The following HECW2 variants were observed in gnomAD, a reference collection of about 807,000 sequenced individuals.
HECW2 encodes the protein E3 ubiquitin-protein ligase HECW2.
HECW2 carries 61 observed loss-of-function variants against 175.2 expected under a neutral mutation model. The observed-to-expected ratio is 0.35, with a 90% CI of 0.28 to 0.43. HECW2 has a LOEUF of 0.43. HECW2 is among the 20% of genes least tolerant of loss of function. HECW2 has a pLI of 1.00. For missense variants in HECW2, 1,524 were observed against 2,000.5 expected (o/e 0.76, Z 4.54); for synonymous variants, 671 against 731.0 (o/e 0.92, Z 1.32).
At chr2:196,520,892 T>C (rs1575629481) in intron 1 of HECW2, among the ~76,000 whole-genome samples, 2 of 152,274 alleles carry the variant, frequency 1.3e-5, no homozygotes, top group South Asian at 4.1e-4. Context: ...GACATAAAAT[T>C]ATTTATAAGG....
intron 1 of HECW2, among the ~76,000 whole-genome samples, chr2:196,583,294 C>A (rs552145047): frequency 1.3e-5 from 2 of 152,292 alleles, no homozygotes; most frequent in African/African-American, 4.8e-5. Context: ...GATCACATGG[C>A]AGAAGGCACT....
At chr2:196,222,143 G>A (rs1687692340) in intron 24 of HECW2, 68 bp downstream of exon 24, 4 of 1,437,306 alleles carry the variant, frequency 2.8e-6, no homozygotes, top group Non-Finnish European at 3.8e-6. Flanking sequence ...TAGCCATGGA[G>A]TTAATTCTTC....
At chr2:196,543,115 T>A (rs1445134444) in intron 1 of HECW2, among the ~76,000 whole-genome samples, 1 of 150,908 alleles carries the variant, frequency 6.6e-6, no homozygotes, top group East Asian at 1.9e-4. Flanking sequence ...TGATTTTTAT[T>A]TTTTCTTTAT....
chr2:196,331,010 T>C (rs896378667), intron 4 of HECW2: 2 of 247,790 alleles, frequency 8.1e-6, no homozygotes, highest in African/African-American at 4.6e-5. Flanking sequence ...CCCCAGGAGA[T>C]AAAAGCCATC....
At chr2:196,358,942 T>G (rs1693485079) in intron 2 of HECW2, among the ~76,000 whole-genome samples, 1 of 152,180 alleles carries the variant, frequency 6.6e-6, no homozygotes, top group East Asian at 1.9e-4. Context: ...AGAAGGTCAC[T>G]CAAAGCTTAA....
intron 1 of HECW2, among the ~76,000 whole-genome samples, chr2:196,450,543 G>A (rs1168008792): frequency 6.7e-6 from 1 of 148,804 alleles, no homozygotes; most frequent in Non-Finnish European, 1.5e-5. Context: ...CCAGGCTGGA[G>A]TACAATGGCA....
intron 1 of HECW2, among the ~76,000 whole-genome samples, chr2:196,558,446 C>G (rs897049549): frequency 6.6e-6 from 1 of 152,170 alleles, no homozygotes; most frequent in African/African-American, 2.4e-5. Flanking sequence ...GAAAAATGTC[C>G]TTTCCAGGAT....
At chr2:196,362,318 T>TACACACACACAC (rs3082111) in intron 2 of HECW2, 6 of 120,816 alleles carry the variant, frequency 5.0e-5, no homozygotes, top group East Asian at 2.7e-4. Flanking sequence ...GAGTTATGTG[T>TACACACACACAC]ACACACACAC....
intron 10 of HECW2, chr2:196,315,692 C>T (rs1291655085): frequency 6.6e-6 from 1 of 152,060 alleles, no homozygotes; most frequent in Non-Finnish European, 1.5e-5. Context: ...AATGCAAACA[C>T]CAATATTTAA....
intron 18 of HECW2, among the ~76,000 whole-genome samples, chr2:196,255,838 C>A (rs1329467230): frequency 6.6e-6 from 1 of 152,228 alleles, no homozygotes; most frequent in South Asian, 2.1e-4. Flanking sequence ...TTTGGGAGGC[C>A]GAGGAGGGCG....
chr2:196,554,163 A>G (rs1689708047), intron 1 of HECW2, among the ~76,000 whole-genome samples: 1 of 152,014 alleles, frequency 6.6e-6, no homozygotes, highest in Non-Finnish European at 1.5e-5. Context: ...CGTCTCTACT[A>G]AAAATACAAA....
intron 14 of HECW2, chr2:196,291,476 C>G (rs1690601844): frequency 6.6e-6 from 1 of 152,208 alleles, no homozygotes; most frequent in Non-Finnish European, 1.5e-5. Context: ...GTTGGCTTAC[C>G]TGTTTTGCTT....
At chr2:196,554,582 C>T (rs1689731821) in intron 1 of HECW2, among the ~76,000 whole-genome samples, 2 of 152,314 alleles carry the variant, frequency 1.3e-5, no homozygotes, top group East Asian at 3.9e-4. Context: ...AAAATATGTG[C>T]CCCACCTCCC....
At chr2:196,445,639 T>C (rs1356459630) in intron 1 of HECW2, among the ~76,000 whole-genome samples, 1 of 152,192 alleles carries the variant, frequency 6.6e-6, no homozygotes, top group African/African-American at 2.4e-5. Context: ...CCTTCTGTAC[T>C]GTAATGTATA....
intron 21 of HECW2, chr2:196,238,522 A>G (rs1455460995): frequency 1.3e-5 from 2 of 152,030 alleles, no homozygotes; most frequent in Non-Finnish European, 2.9e-5. Flanking sequence ...CAAAAACAGC[A>G]TATGTATCCT....
At position 196,280,687 on chromosome 2, in the gene HECW2, G is replaced by T. The variant is rs1452994829; in HGVS notation, c.3001-2025C>A. Among the ~76,000 whole-genome samples, 6 of 152,164 alleles carry T rather than the reference G, an allele frequency of 3.9e-5. No individual in the cohort carries two copies. The East Asian group carries it at 1.2e-3, about 29-fold the overall frequency. ...CAGGTCTTGTAAAAAGTACTCCAGT[G>T]ATAAAACCTGTGTGGACTTGCATTG... On this transcript the variant is annotated intron_variant, in intron 14 of 28. Coordinates refer to ENST00000644978, the MANE Select transcript of HECW2 (RefSeq NM_001348768.2).
At position 196,200,405 on chromosome 2, in the gene HECW2, G is replaced by C. The variant is rs758257816; in HGVS notation, c.*872C>G. 6.6e-6 allele frequency: 1 copy of C among 152,500 alleles called. No homozygotes were observed. Among genetic ancestry groups the C allele is most frequent in the Non-Finnish European group, 1.5e-5 (1 of 68,000 alleles). 9.4% of individuals were successfully genotyped at this position (152,500 alleles called of 1,614,324 possible). ...AAGGATACATATTAGCATGATGCCC[G>C]AGTATGCATGGAACATGAAAATGGA... is the stretch of plus-strand genomic sequence containing the variant. On this transcript the variant is annotated 3_prime_UTR_variant, in exon 29 of 29. Transcript: ENST00000644978.
chr2:196,566,203 C>T (rs1690181472), intron 1 of HECW2, among the ~76,000 whole-genome samples: 1 of 151,352 alleles, frequency 6.6e-6, no homozygotes, highest in African/African-American at 2.4e-5. Context: ...CCTACTTATG[C>T]TTTATCTACA....
chr2:196,472,191 C>T (rs905744805), intron 1 of HECW2, among the ~76,000 whole-genome samples: 1 of 151,736 alleles, frequency 6.6e-6, no homozygotes, highest in South Asian at 2.1e-4. Context: ...AAGTTTAAAA[C>T]GTTCAAAACA....
Sources: allele counts gnomAD v4.1 joint callset (sites outside exome capture counted in the v4.1 genomes callset), GRCh38; gene constraint gnomAD v4.1.1; transcripts MANE v1.5; gene names NCBI Gene and HGNC (gene_info 2026-07-23, HGNC 2026-07-21).